The following BCL2L14 variants were observed in gnomAD, a reference collection of about 807,000 sequenced individuals.
BCL2L14 encodes BCL2 like 14.
A neutral mutation model predicts 35.3 loss-of-function variants in BCL2L14; 27 were observed. The ratio of observed to expected loss-of-function variants is 0.76; its 90% CI spans 0.56 to 1.05. BCL2L14 has a LOEUF of 1.05. Ranked by LOEUF, BCL2L14 falls within the 50% of genes least tolerant of loss-of-function variation. The pLI, the probability that BCL2L14 is intolerant of heterozygous loss-of-function variation, is 0.00. For missense variants in BCL2L14, 377 were observed against 382.6 expected, an observed-to-expected ratio of 0.99 and a Z score of 0.12; for synonymous variants, 139 against 145.9, an observed-to-expected ratio of 0.95 and a Z score of 0.34.
At chr12:12,090,701 A>T in intron 3 of BCL2L14, 78 bp from the exon 4 acceptor site, 1 of 1,124,048 alleles carries the variant, frequency 8.9e-7, no homozygotes, top group Admixed American at 1.9e-5. Flanking sequence ...CCAAGCCACA[A>T]GCATTCATTG....
chr12:12,050,675 T>C (rs887014328), intron 1 of BCL2L14, among the ~76,000 whole-genome samples: 3 of 151,100 alleles, frequency 2.0e-5, no homozygotes, highest in African/African-American at 7.3e-5. Context: ...AAACTATAGC[T>C]TCGAGTCTAA....
In BCL2L14 at chr12:12,059,140, A is replaced by G. The variant is rs191014198; in HGVS notation, c.-272+7293A>G. Among the ~76,000 whole-genome samples, 955 of 152,266 alleles carry G rather than the reference A, an allele frequency of 6.3e-3. 8 individuals are homozygous for G. The highest frequency in any genetic ancestry group is 0.021 in the African/African-American group (866 of 41,536). On this transcript the variant is annotated intron_variant, in intron 2 of 3. Coordinates refer to the BCL2L14 transcript ENST00000461264. ...GAATGCAGCCTTCCCTTAGTGTTTA[A>G]TCATTGCAAGGACACCTCTCTGATT...
In BCL2L14 at chr12:12,087,323, G is replaced by GT; in HGVS notation, c.545dup (p.Thr183AsnfsTer2). 6.2e-7 allele frequency: 1 copy of GT among 1,614,220 alleles called. No individual in the cohort carries two copies. Among genetic ancestry groups the GT allele is most frequent in the Non-Finnish European group, 8.5e-7 (1 of 1,180,038 alleles). The stretch of plus-strand genomic sequence containing the variant: ...AGGCTTCAAGTCCAAAGAGATTTTT[G>GT]TAACTGAGGGTCTCTCCTTCCAGCT... On this transcript the variant is annotated frameshift_variant, in exon 3 of 6. Coordinates refer to ENST00000308721, the MANE Select transcript of BCL2L14 (RefSeq NM_138723.2). LOFTEE classifies it high-confidence loss of function.
intron 1 of BCL2L14, chr12:12,072,234 A>G (rs1287963881): frequency 6.6e-6 from 1 of 152,206 alleles, no homozygotes; most frequent in Non-Finnish European, 1.5e-5. Flanking sequence ...GCTGCCACCC[A>G]CCGGGAGGGA....
chr12:12,080,200 G>A (rs574835807), intron 2 of BCL2L14, among the ~76,000 whole-genome samples: 11 of 130,962 alleles, frequency 8.4e-5, no homozygotes, highest in East Asian at 8.3e-4. Context: ...GTGAGACTCC[G>A]TCAAAAAAAA....
At chr12:12,068,021 C>T (rs548593385), upstream of BCL2L14, 3 of 382,366 alleles carry the variant, frequency 7.8e-6, no homozygotes, top group East Asian at 3.7e-5. Flanking sequence ...CAGCCTCAAG[C>T]CCCCGGCCCC....
At chr12:12,086,694 G>T (rs1251575848) in intron 2 of BCL2L14, among the ~76,000 whole-genome samples, 1 of 152,236 alleles carries the variant, frequency 6.6e-6, no homozygotes, top group East Asian at 1.9e-4. Flanking sequence ...CGGGAGTTAG[G>T]TGTTCACTTG....
rs1344657383 is a variant in BCL2L14 at position 12,075,938 on chromosome 12, C to T, written c.-7-3361C>T. ...TTAGATCCAGAGGCTTGATCAGATT[C>T]GGATCCAATGTTTTTGGATCAGGAG... On this transcript the variant is annotated intron_variant, in intron 1 of 5. Coordinates refer to ENST00000308721, the MANE Select transcript of BCL2L14 (RefSeq NM_138723.2). Among the ~76,000 whole-genome samples the T allele has an allele frequency of 9.9e-5, 15 of 151,894 alleles. No individual in the cohort carries two copies. The South Asian group carries it at 1.9e-3, about 19-fold the overall frequency.
At chr12:12,080,007 A>G (rs931430199) in intron 2 of BCL2L14, among the ~76,000 whole-genome samples, 4 of 152,116 alleles carry the variant, frequency 2.6e-5, no homozygotes, top group African/African-American at 9.7e-5. Flanking sequence ...GATTGAGACC[A>G]TCCTGGCTAA....
chr12:12,085,570 T>C (rs2136761931), intron 2 of BCL2L14, among the ~76,000 whole-genome samples: 1 of 152,244 alleles, frequency 6.6e-6, no homozygotes, highest in African/African-American at 2.4e-5. Flanking sequence ...CGCTTCTTAT[T>C]GGTTTTTGAA....
intron 1 of BCL2L14, chr12:12,072,272 C>A (rs1948683126): frequency 6.6e-6 from 1 of 152,266 alleles, no homozygotes; most frequent in Admixed American, 6.5e-5. Flanking sequence ...ACAAGTGAGT[C>A]CGCAGAGCGA....
chr12:12,057,477 G>A (rs1392933055), intron 2 of BCL2L14, among the ~76,000 whole-genome samples: 1 of 152,194 alleles, frequency 6.6e-6, no homozygotes, highest in African/African-American at 2.4e-5. Context: ...GGTGAAGAGA[G>A]CCGGGCTCGG....
At chr12:12,080,704 C>T (rs767784248) in intron 2 of BCL2L14, among the ~76,000 whole-genome samples, 1 of 151,838 alleles carries the variant, frequency 6.6e-6, no homozygotes, top group Non-Finnish European at 1.5e-5. Context: ...TCAACTCATT[C>T]GCTCAGGGCC....
intron 5 of BCL2L14, among the ~76,000 whole-genome samples, chr12:12,096,690 A>G (rs1949319147): frequency 6.6e-6 from 1 of 152,220 alleles, no homozygotes; most frequent in South Asian, 2.1e-4. Flanking sequence ...AGCAACATTG[A>G]GCTCTATCCA....
chr12:12,055,846 T>G (rs1396444844), intron 2 of BCL2L14: 1 of 152,204 alleles, frequency 6.6e-6, no homozygotes, highest in African/African-American at 2.4e-5. Context: ...CCTTTCATAT[T>G]TGTGTTTTCA....
intron 5 of BCL2L14, chr12:12,095,150 G>A (rs957200358): frequency 5.1e-6 from 5 of 985,352 alleles, no homozygotes; most frequent in Non-Finnish European, 6.0e-6. Context: ...GGTATGCAGG[G>A]TATGTGTGGA....
At chr12:12,082,008 G>C (rs1435171906) in intron 2 of BCL2L14, among the ~76,000 whole-genome samples, 4 of 152,188 alleles carry the variant, frequency 2.6e-5, no homozygotes. Flanking sequence ...CTCATAGACA[G>C]CTTTAGATCA....
At chr12:12,089,130 G>T (rs988299244) in intron 3 of BCL2L14, among the ~76,000 whole-genome samples, 5 of 152,210 alleles carry the variant, frequency 3.3e-5, no homozygotes, top group Admixed American at 3.3e-4. Flanking sequence ...ACTTTGGGAG[G>T]CCAAGGCAGG....
At chr12:12,066,920 CA>C (rs1779447519), upstream of BCL2L14, among the ~76,000 whole-genome samples, 1 of 152,012 alleles carries the variant, frequency 6.6e-6, no homozygotes, top group Non-Finnish European at 1.5e-5. Context: ...CTGTGTTAGC[CA>C]GGATGGTCTC....
Sources: gnomAD v4.1 joint callset for allele counts (sites outside exome capture counted in the v4.1 genomes callset) on GRCh38, gnomAD v4.1.1 for gene constraint, MANE v1.5 for transcripts, NCBI Gene and HGNC (gene_info 2026-07-23, HGNC 2026-07-21) for gene names.